CASK: variants seen among roughly 807,000 people sequenced by gnomAD.
CASK encodes the protein peripheral plasma membrane protein CASK.
A neutral mutation model predicts 82.9 loss-of-function variants in CASK; 4 were observed. That is an observed-to-expected ratio of 0.05 (90% confidence interval 0.02 to 0.11). The LOEUF (loss-of-function observed/expected upper bound fraction) is 0.11. Among genes scored for constraint, CASK ranks in the 10% least tolerant of loss-of-function variants. The pLI, the probability that CASK is intolerant of heterozygous loss-of-function variation, is 1.00. For synonymous variants in CASK, 259 were observed against 253.5 expected, an observed-to-expected ratio of 1.02 and a Z score of -0.20; for missense variants, 358 against 720.9, an observed-to-expected ratio of 0.50 and a Z score of 5.76.
At chrX:41,695,310 CTTTTTTTTTTT>C (rs1331604938) in intron 5 of CASK, among the ~76,000 whole-genome samples, 1 of 87,761 alleles carries the variant, frequency 1.1e-5, no homozygotes, top group East Asian at 3.6e-4. Flanking sequence ...TTTACACTGT[CTTTTTTTTTTT>C]TTTTTTTTTA....
At chrX:41,839,963 C>T (rs920828072) in intron 2 of CASK, among the ~76,000 whole-genome samples, 1 of 111,990 alleles carries the variant, frequency 8.9e-6, no homozygotes, top group Non-Finnish European at 1.9e-5. Flanking sequence ...ACTACACTGT[C>T]ATGATTACTG....
At chrX:41,612,787 C>A (rs1281686651) in intron 11 of CASK, among the ~76,000 whole-genome samples, 1 of 98,606 alleles carries the variant, frequency 1.0e-5, no homozygotes, top group Non-Finnish European at 2.1e-5. Flanking sequence ...CCAGCCGCCC[C>A]GTCTGGAAGC....
chrX:41,663,926 A>G (rs2067074815), intron 7 of CASK, among the ~76,000 whole-genome samples: 1 of 111,829 alleles, frequency 8.9e-6, no homozygotes, highest in African/African-American at 3.3e-5. Context: ...GGCTAAATTC[A>G]ACCAGAATTT....
chrX:41,588,180 A>C (rs2065686291), intron 13 of CASK: 1 of 112,258 alleles, frequency 8.9e-6, no homozygotes, highest in Admixed American at 9.5e-5. Flanking sequence ...TTATGCTGTT[A>C]ATTCATATTG....
chrX:41,901,724 G>A (rs1045855815), intron 1 of CASK, among the ~76,000 whole-genome samples: 1 of 111,403 alleles, frequency 9.0e-6, no homozygotes, highest in African/African-American at 3.3e-5. Context: ...GAACAGCCTA[G>A]TGCCAGGGTC....
intron 14 of CASK, among the ~76,000 whole-genome samples, chrX:41,582,102 C>T (rs969254064): frequency 3.6e-5 from 4 of 110,994 alleles, no homozygotes; most frequent in African/African-American, 1.3e-4. Context: ...TTCTACCATC[C>T]TCACCTTTCT....
chrX:41,690,370 A>G (rs1174575158), intron 5 of CASK, among the ~76,000 whole-genome samples: 1 of 110,676 alleles, frequency 9.0e-6, no homozygotes, highest in Non-Finnish European at 1.9e-5. Context: ...TTTTTGAGAC[A>G]GACTCTCGCT....
chrX:41,591,267 A>G (rs1291963999), intron 12 of CASK, among the ~76,000 whole-genome samples: 1 of 111,810 alleles, frequency 8.9e-6, no homozygotes, highest in East Asian at 2.8e-4. Flanking sequence ...AGACTAGCCT[A>G]TAGAAATGAA....
In CASK at chrX:41,607,269, T is replaced by C. The variant is rs1400088379; in HGVS notation, c.1155+2635A>G. On this transcript the variant is annotated intron_variant, in intron 12 of 26. Transcript: ENST00000378163. The stretch of plus-strand genomic sequence containing the variant: ...TAATGTTCCTGCTTCTCCCCTGCAA[T>C]CTCAAGCTTGATGTGCTCAGATACC... 2.7e-5 allele frequency among the ~76,000 whole-genome samples: 3 copies of C among 112,140 alleles called. No individual in the cohort carries two copies. In the Admixed American group the frequency reaches 2.8e-4, roughly 11 times the overall value.
chrX:41,722,500 TCA>T (rs973619817), intron 5 of CASK, among the ~76,000 whole-genome samples: 3 of 112,670 alleles, frequency 2.7e-5, no homozygotes, highest in African/African-American at 9.7e-5. Flanking sequence ...TTTCTGAGTT[TCA>T]GTTTTCCTCA....
intron 12 of CASK, among the ~76,000 whole-genome samples, chrX:41,599,512 G>A (rs1213890047): frequency 8.9e-6 from 1 of 111,993 alleles, no homozygotes; most frequent in African/African-American, 3.2e-5. Flanking sequence ...GGAGGCCCTT[G>A]TTTTGTTTAG....
chrX:41,549,772 C>T (rs1339507291), intron 21 of CASK, among the ~76,000 whole-genome samples: 4 of 106,617 alleles, frequency 3.8e-5, no homozygotes, highest in Non-Finnish European at 7.7e-5. Flanking sequence ...TCCAGGAGTT[C>T]CAGGCTGCAA....
At chrX:41,634,425 CTT>C (rs1330192344) in intron 9 of CASK, among the ~76,000 whole-genome samples, 1 of 112,782 alleles carries the variant, frequency 8.9e-6, no homozygotes, top group African/African-American at 3.2e-5. Flanking sequence ...GGTCTTAAAA[CTT>C]TAAATAGCCC....
intron 1 of CASK, among the ~76,000 whole-genome samples, chrX:41,895,619 C>G (rs950522147): frequency 9.0e-6 from 1 of 111,669 alleles, no homozygotes; most frequent in African/African-American, 3.3e-5. Context: ...AGATATAAAC[C>G]AACAAGATGA....
intron 1 of CASK, among the ~76,000 whole-genome samples, chrX:41,887,400 TACCTAAGCA>T (rs1164433183): frequency 9.2e-6 from 1 of 109,264 alleles, no homozygotes; most frequent in Non-Finnish European, 1.9e-5. Flanking sequence ...CTTTATCTGC[TACCTAAGCA>T]AATAAAACTG....
At chrX:41,615,314 T>G (rs936596211) in intron 11 of CASK, among the ~76,000 whole-genome samples, 2 of 110,908 alleles carry the variant, frequency 1.8e-5, no homozygotes, top group African/African-American at 6.6e-5. Context: ...CCCCCCTCCA[T>G]CAAAAAATCT....
intron 3 of CASK, among the ~76,000 whole-genome samples, chrX:41,761,228 T>C (rs1180947999): frequency 9.0e-6 from 1 of 111,459 alleles, no homozygotes; most frequent in Non-Finnish European, 1.9e-5. Context: ...AAGTTCCTTC[T>C]AGTCGCTTGT....
At chrX:41,817,952 C>G (rs1476998897) in intron 2 of CASK, among the ~76,000 whole-genome samples, 3 of 110,868 alleles carry the variant, frequency 2.7e-5, no homozygotes, top group Non-Finnish European at 5.7e-5. Flanking sequence ...TGTCAGTTCT[C>G]CCCCAAATTA....
chrX:41,793,723 T>C, intron 2 of CASK, among the ~76,000 whole-genome samples: 1 of 112,039 alleles, frequency 8.9e-6, no homozygotes, highest in East Asian at 2.8e-4. Context: ...TAAATATTAA[T>C]AACAAAATAA....
Sources: allele counts gnomAD v4.1 joint callset (sites outside exome capture counted in the v4.1 genomes callset), GRCh38; gene constraint gnomAD v4.1.1; transcripts MANE v1.5; gene names NCBI Gene and HGNC (gene_info 2026-07-23, HGNC 2026-07-21).